PRDM16: variants seen among roughly 807,000 people sequenced by gnomAD.
PRDM16 encodes PR/SET domain 16.
Under a neutral mutation model 110.6 loss-of-function variants are expected in PRDM16, and 23 were observed. That is an observed-to-expected ratio of 0.21 (90% CI 0.15 to 0.29). The LOEUF (loss-of-function observed/expected upper bound fraction) is 0.29. Ranked by LOEUF, PRDM16 falls within the 10% of genes least tolerant of loss-of-function variation. The probability of loss-of-function intolerance (pLI) is 1.00; values close to 1 mark genes in which losing one functional copy is unlikely to be tolerated. For missense variants in PRDM16, 1,615 were observed against 1,794.3 expected (o/e 0.90, Z 1.81); for synonymous variants, 799 against 781.8 (o/e 1.02, Z -0.37).
At position 3,399,949 on chromosome 1, in the gene PRDM16, G is replaced by A. The variant is rs569874112; in HGVS notation, c.677-2842G>A. 2.0e-3 allele frequency among the ~76,000 whole-genome samples: 298 copies of A among 152,338 alleles called. 1 individual carries two copies. Among genetic ancestry groups the A allele is most frequent in the Middle Eastern group, 0.01 (3 of 292 alleles). ...CACAGGCAGCTTCCCAGGTCTGCGG[G>A]TTGGCTGTGTTCTGCAATGGTCTTG... On this transcript the variant is annotated intron_variant, in intron 5 of 16. Transcript: ENST00000270722.
At chr1:3,407,819 C>T (rs1303411573) in intron 8 of PRDM16, among the ~76,000 whole-genome samples, 1 of 152,246 alleles carries the variant, frequency 6.6e-6, no homozygotes, top group Non-Finnish European at 1.5e-5. Context: ...GACAGGGAAA[C>T]TCAACTGGCC....
intron 1 of PRDM16, among the ~76,000 whole-genome samples, chr1:3,145,092 C>T (rs573196218): frequency 2.6e-5 from 4 of 152,176 alleles, no homozygotes; most frequent in African/African-American, 7.2e-5. Flanking sequence ...CCCAAGTAGG[C>T]CCCACGCAGG....
At chr1:3,228,665 T>A (rs1639344057) in intron 2 of PRDM16, among the ~76,000 whole-genome samples, 1 of 152,110 alleles carries the variant, frequency 6.6e-6, no homozygotes, top group African/African-American at 2.4e-5. Context: ...GTACATATCA[T>A]CCCTCATGAG....
intron 3 of PRDM16, among the ~76,000 whole-genome samples, chr1:3,371,575 C>CCATCCTT (rs1469393719): frequency 1.3e-5 from 2 of 152,196 alleles, no homozygotes; most frequent in Non-Finnish European, 2.9e-5. Context: ...ACCCACTCAC[C>CCATCCTT]CATCCTTCCA....
At chr1:3,228,689 G>C (rs983624092) in intron 2 of PRDM16, among the ~76,000 whole-genome samples, 2 of 152,136 alleles carry the variant, frequency 1.3e-5, no homozygotes, top group African/African-American at 2.4e-5. Flanking sequence ...GGGGCTCCTC[G>C]CCATGGCCCA....
intron 3 of PRDM16, among the ~76,000 whole-genome samples, chr1:3,276,034 C>T (rs1400154848): frequency 1.3e-5 from 2 of 152,256 alleles, no homozygotes; most frequent in Non-Finnish European, 2.9e-5. Context: ...CATTTCCGCT[C>T]TGCCGGCTTT....
intron 3 of PRDM16, among the ~76,000 whole-genome samples, chr1:3,311,833 G>C (rs1641468082): frequency 6.6e-6 from 1 of 152,216 alleles, no homozygotes; most frequent in South Asian, 2.1e-4. Context: ...CTCCCAGATA[G>C]ACCCAGAAGG....
chr1:3,181,234 T>C (rs1313453490), intron 1 of PRDM16, among the ~76,000 whole-genome samples: 193 of 77,226 alleles, frequency 2.5e-3, no homozygotes, highest in Middle Eastern at 0.011. Flanking sequence ...TTACACACGG[T>C]CTTACACACA....
intron 3 of PRDM16, among the ~76,000 whole-genome samples, chr1:3,329,123 CA>C (rs1418888235): frequency 6.6e-6 from 1 of 152,232 alleles, no homozygotes; most frequent in East Asian, 1.9e-4. Flanking sequence ...AAGGGCCTCC[CA>C]AACTGCCCAG....
In PRDM16 at chr1:3,208,953, G is replaced by A. The variant is rs781074429; in HGVS notation, c.387+22479G>A. 4.6e-5 allele frequency among the ~76,000 whole-genome samples: 7 copies of A among 152,120 alleles called. No homozygotes were observed. The highest frequency in any genetic ancestry group is 1.9e-4 in the East Asian group (1 of 5,180). On this transcript the variant is annotated intron_variant, in intron 2 of 16. Transcript: ENST00000270722. This position sits in a 1 kb window ranked among gnomAD's most constrained non-coding sequence, Gnocchi z 6.1. ...TTTCCCATGAACAGATGTCCCCCTC[G>A]CCACATCAAGGGAGTGACTTGCTCC...
intron 3 of PRDM16, among the ~76,000 whole-genome samples, chr1:3,287,297 A>G (rs1640870302): frequency 7.1e-6 from 1 of 140,854 alleles, no homozygotes; most frequent in African/African-American, 2.8e-5. Flanking sequence ...CCAGGATTGC[A>G]TTTACCGGGG....
At chr1:3,223,411 T>C (rs896691748) in intron 2 of PRDM16, among the ~76,000 whole-genome samples, 2 of 152,292 alleles carry the variant, frequency 1.3e-5, no homozygotes, top group African/African-American at 2.4e-5. Flanking sequence ...GGAATGTTCC[T>C]GGGCTCAGGC....
rs1435120436 is a variant in PRDM16 at position 3,157,482 on chromosome 1, C to G, written c.38-28643C>G. ...CTGGGGGTTGATTGTCTCTTGAAAA[C>G]AGACATGGGCCAGATCCAGTTGTTT... On this transcript the variant is annotated intron_variant, in intron 1 of 16. Coordinates refer to ENST00000270722, the MANE Select transcript of PRDM16 (RefSeq NM_022114.4). This position sits in a 1 kb window ranked among gnomAD's most constrained non-coding sequence, Gnocchi z 4.8. 7.4e-6 allele frequency among the ~76,000 whole-genome samples: 1 copy of G among 134,298 alleles called. No individual in the cohort carries two copies. 88.1% of individuals were successfully genotyped at this position (134,298 alleles called of 152,430 possible).
At chr1:3,281,200 C>T (rs1414823370) in intron 3 of PRDM16, among the ~76,000 whole-genome samples, 2 of 152,220 alleles carry the variant, frequency 1.3e-5, no homozygotes, top group Admixed American at 1.3e-4. Flanking sequence ...TTGCCATCTG[C>T]CTTGCTGGCT....
rs542834172 is a variant in PRDM16 at position 3,356,566 on chromosome 1, C to T, written c.439-28586C>T. Among the ~76,000 whole-genome samples the T allele has an allele frequency of 3.3e-5, 5 of 152,320 alleles. No individual in the cohort carries two copies. In the South Asian group the frequency reaches 6.2e-4, roughly 19 times the overall value. On this transcript the variant is annotated intron_variant, in intron 3 of 16. Coordinates refer to ENST00000270722, the MANE Select transcript of PRDM16 (RefSeq NM_022114.4). ...GTGCAGAGTATTTAAAAATAAAAGC[C>T]GCAGCTGCCAAGACAGCCCATGGAG...
chr1:3,188,849 A>G (rs1557516239), intron 2 of PRDM16, among the ~76,000 whole-genome samples: 1 of 152,208 alleles, frequency 6.6e-6, no homozygotes, highest in East Asian at 1.9e-4. Context: ...GGGGGCGGGA[A>G]TTAAGTGGCA....
intron 1 of PRDM16, among the ~76,000 whole-genome samples, chr1:3,096,633 G>A (rs1237394105): frequency 1.3e-5 from 2 of 152,134 alleles, no homozygotes; most frequent in African/African-American, 4.8e-5. Context: ...GTGAGGGAGG[G>A]ACGCCAGGGA....
rs771063009 is a variant in PRDM16, at chr1:3,143,516, C to A, written c.38-42609C>A. On this transcript the variant is annotated intron_variant, in intron 1 of 16. Coordinates refer to ENST00000270722, the MANE Select transcript of PRDM16 (RefSeq NM_022114.4). This position sits in a 1 kb window ranked among gnomAD's most constrained non-coding sequence, Gnocchi z 4.5. ...TTTGTGAGATGGAGTCTTGCTCTGT[C>A]ACCCAGGCTGGAGTGCACTGGCGCA... Among the ~76,000 whole-genome samples the A allele has an allele frequency of 2.6e-5, 4 of 152,172 alleles. No homozygotes were observed. The highest frequency in any genetic ancestry group is 5.9e-5 in the Non-Finnish European group (4 of 68,046).
rs953877546 is a variant in PRDM16 at position 3,213,468 on chromosome 1, C to T, written c.387+26994C>T. Among the ~76,000 whole-genome samples, 5 of 152,186 alleles carry T rather than the reference C, an allele frequency of 3.3e-5. 1 individual carries two copies. Among genetic ancestry groups the T allele is most frequent in the African/African-American group, 9.7e-5 (4 of 41,442 alleles). ...TTTTCCACTTAGGCTTGTCACCAATCGGGCAGTCACCCCAGCTGTGCGGGT... is the reference window on the plus strand; with the variant it reads ...TTTTCCACTTAGGCTTGTCACCAATTGGGCAGTCACCCCAGCTGTGCGGGT... On this transcript the variant is annotated intron_variant, in intron 2 of 16. Transcript: ENST00000270722. This position sits in a 1 kb window ranked among gnomAD's most constrained non-coding sequence, Gnocchi z 5.3.
Sources: gnomAD v4.1 joint callset for allele counts (sites outside exome capture counted in the v4.1 genomes callset) on GRCh38, gnomAD v4.1.1 for gene constraint, Gnocchi (gnomAD v3.1) non-coding constraint, MANE v1.5 for transcripts, NCBI Gene and HGNC (gene_info 2026-07-23, HGNC 2026-07-21) for gene names.